Variants in NTM observed in about 807,000 individuals in gnomAD.
NTM encodes IgLON family member 2.
Under a neutral mutation model 42.1 loss-of-function variants are expected in NTM, and 13 were observed. The ratio of observed to expected loss-of-function variants is 0.31; its 90% CI spans 0.20 to 0.49. The LOEUF is 0.49. Among genes scored for constraint, NTM ranks in the 20% least tolerant of loss-of-function variants. The pLI is 0.99. For missense variants in NTM, 373 were observed against 452.8 expected (o/e 0.82, Z 1.60); for synonymous variants, 187 against 179.2 (o/e 1.04, Z -0.35).
intron 1 of NTM, among the ~76,000 whole-genome samples, chr11:131,402,010 G>A (rs959504999): frequency 2.0e-5 from 3 of 150,764 alleles, no homozygotes; most frequent in Non-Finnish European, 3.0e-5. Context: ...TTGCTCTTGT[G>A]GAATAGCATG....
intron 1 of NTM, among the ~76,000 whole-genome samples, chr11:131,564,843 T>G (rs1248760311): frequency 6.6e-6 from 1 of 151,754 alleles, no homozygotes; most frequent in African/African-American, 2.4e-5. Flanking sequence ...AGACACATGC[T>G]CACATGCACA....
intron 2 of NTM, 113 bp downstream of exon 2, chr11:131,911,761 T>G: frequency 7.6e-7 from 1 of 1,313,780 alleles, no homozygotes; most frequent in Non-Finnish European, 1.1e-6. Context: ...AGGTCGCTGG[T>G]TCCCTGGGCT....
intron 7 of NTM, among the ~76,000 whole-genome samples, chr11:132,329,793 C>T (rs1276334932): frequency 6.6e-6 from 1 of 152,216 alleles, no homozygotes; most frequent in East Asian, 1.9e-4. Context: ...GTAAGTTGTT[C>T]TACAAAGCCT....
At chr11:131,544,181 A>G (rs368348946) in intron 1 of NTM, among the ~76,000 whole-genome samples, 3 of 152,352 alleles carry the variant, frequency 2.0e-5, no homozygotes, top group African/African-American at 4.8e-5. Flanking sequence ...TAGGGTTTCC[A>G]GACATCTCTT....
Position 131,762,854 on chromosome 11 carries a change from T to C in NTM, c.83-148710T>C, listed in dbSNP as rs115455625. On this transcript the variant is annotated intron_variant, in intron 1 of 8. Coordinates refer to ENST00000683400, the MANE Select transcript of NTM (RefSeq NM_001352005.2). Reference sequence around the variant, plus strand: ...CACAGAGAGGCTGGCAGCCCATGGCTCTGTCCCCTGCTGGCTCTGGACAGG... The same window carrying C: ...CACAGAGAGGCTGGCAGCCCATGGCCCTGTCCCCTGCTGGCTCTGGACAGG... Among the ~76,000 whole-genome samples, 562 of 152,318 alleles carry C rather than the reference T, an allele frequency of 3.7e-3. 5 individuals carry two copies. Among genetic ancestry groups the C allele is most frequent in the African/African-American group, 0.012 (517 of 41,568 alleles).
intron 1 of NTM, chr11:131,795,748 A>G (rs2091480089): frequency 1.0e-6 from 1 of 985,196 alleles, no homozygotes; most frequent in African/African-American, 1.7e-5. Context: ...GTAGTGGTTC[A>G]GGTCATGATA....
chr11:132,142,013 G>A (rs2069260795), intron 2 of NTM, among the ~76,000 whole-genome samples: 1 of 152,150 alleles, frequency 6.6e-6, no homozygotes, highest in African/African-American at 2.4e-5. Flanking sequence ...GAGTTGCAGG[G>A]CCCAGTCCAG....
At chr11:131,754,961 T>C (rs1221037860) in intron 1 of NTM, among the ~76,000 whole-genome samples, 1 of 152,216 alleles carries the variant, frequency 6.6e-6, no homozygotes, top group African/African-American at 2.4e-5. Flanking sequence ...ACTCTACGAT[T>C]CCATTTTTAT....
intron 1 of NTM, among the ~76,000 whole-genome samples, chr11:131,681,225 A>G (rs1458714720): frequency 2.8e-5 from 1 of 36,118 alleles, no homozygotes; most frequent in African/African-American, 7.3e-5. Context: ...GTCTGTGTGT[A>G]TGTCTCCCTG....
intron 2 of NTM, among the ~76,000 whole-genome samples, chr11:131,971,339 G>A (rs2063502924): frequency 6.6e-6 from 1 of 152,004 alleles, no homozygotes; most frequent in Admixed American, 6.6e-5. Flanking sequence ...TCTTTAATTT[G>A]TGTGCTTTCT....
chr11:131,908,303 C>T (rs894612562), intron 1 of NTM, among the ~76,000 whole-genome samples: 3 of 152,238 alleles, frequency 2.0e-5, no homozygotes, highest in Non-Finnish European at 2.9e-5. Flanking sequence ...ATTAATAAAG[C>T]ATCTTCCATC....
At chr11:132,275,821 C>A (rs1213026210) in intron 4 of NTM, among the ~76,000 whole-genome samples, 1 of 149,140 alleles carries the variant, frequency 6.7e-6, no homozygotes, top group Non-Finnish European at 1.5e-5. Flanking sequence ...ATGTATTTTT[C>A]ATTTCTTTGT....
chr11:131,452,534 G>C (rs987717610), intron 1 of NTM, among the ~76,000 whole-genome samples: 12 of 152,344 alleles, frequency 7.9e-5, no homozygotes, highest in Admixed American at 7.8e-4. Context: ...AGAAGTTAAT[G>C]ATAACTTTTT....
At chr11:131,701,465 T>C (rs2076065512) in intron 1 of NTM, among the ~76,000 whole-genome samples, 1 of 152,118 alleles carries the variant, frequency 6.6e-6, no homozygotes, top group Non-Finnish European at 1.5e-5. Flanking sequence ...CTGGGCATGG[T>C]AGATGGGCAA....
intron 2 of NTM, among the ~76,000 whole-genome samples, chr11:131,957,243 G>A (rs575331016): frequency 1.3e-5 from 2 of 152,094 alleles, no homozygotes; most frequent in African/African-American, 4.8e-5. Flanking sequence ...AGAGGTAAAA[G>A]AAAAAAGTCT....
intron 1 of NTM, among the ~76,000 whole-genome samples, chr11:131,750,327 TGTACA>T (rs2082328630): frequency 6.6e-6 from 1 of 152,254 alleles, no homozygotes; most frequent in Non-Finnish European, 1.5e-5. Context: ...TTCAGTCACA[TGTACA>T]TTGCCACATA....
intron 1 of NTM, among the ~76,000 whole-genome samples, chr11:131,875,852 T>C (rs2048462739): frequency 6.6e-6 from 1 of 152,152 alleles, no homozygotes; most frequent in African/African-American, 2.4e-5. Context: ...CTCCCTTTAG[T>C]GGAAGGCTTT....
chr11:131,972,891 G>A (rs984249759), intron 2 of NTM, among the ~76,000 whole-genome samples: 3 of 152,166 alleles, frequency 2.0e-5, no homozygotes, highest in African/African-American at 7.2e-5. Flanking sequence ...CATTTTGAAC[G>A]TGTCTCATTC....
chr11:131,533,096 G>A (rs1000298779), intron 1 of NTM, among the ~76,000 whole-genome samples: 1 of 152,032 alleles, frequency 6.6e-6, no homozygotes, highest in Non-Finnish European at 1.5e-5. Context: ...TATTGTTGTT[G>A]TTCTTGTTCT....
Sources: gnomAD v4.1 joint callset for allele counts (sites outside exome capture counted in the v4.1 genomes callset) on GRCh38, gnomAD v4.1.1 for gene constraint, MANE v1.5 for transcripts, NCBI Gene and HGNC (gene_info 2026-07-23, HGNC 2026-07-21) for gene names.